Variants in SLC2A12 observed in about 807,000 individuals in gnomAD.
The protein encoded by SLC2A12 is solute carrier family 2, facilitated glucose transporter member 12.
A neutral mutation model predicts 41.8 loss-of-function variants in SLC2A12; 23 were observed. The ratio of observed to expected loss-of-function variants is 0.55; its 90% CI spans 0.40 to 0.78. The LOEUF (loss-of-function observed/expected upper bound fraction) is 0.78. Among genes scored for constraint, SLC2A12 ranks in the 30% least tolerant of loss-of-function variants. The pLI is 0.00. For missense variants in SLC2A12, 654 were observed against 745.6 expected (o/e 0.88, Z 1.43); for synonymous variants, 295 against 285.9 (o/e 1.03, Z -0.32).
At chr6:134,043,585 G>C (rs999249436) in intron 1 of SLC2A12, among the ~76,000 whole-genome samples, 1 of 151,962 alleles carries the variant, frequency 6.6e-6, no homozygotes, top group Non-Finnish European at 1.5e-5. Context: ...ACCAGGGCAA[G>C]AGATCAAGAC....
chr6:134,049,485 C>G lies in SLC2A12; in HGVS notation c.103+2893G>C, dbSNP rs573386337. ...CAGTTCTGCACCATCCTCTGTGTGA[C>G]CGTGGGCCGATCACACATCTTTTGA... On this transcript the variant is annotated intron_variant, in intron 1 of 4. Transcript: ENST00000275230. Among the ~76,000 whole-genome samples the G allele has an allele frequency of 2.6e-5, 4 of 152,292 alleles. No homozygotes were observed. In the South Asian group the frequency reaches 8.3e-4, roughly 32 times the overall value.
At chr6:134,012,211 T>G (rs1776896730) in intron 2 of SLC2A12, among the ~76,000 whole-genome samples, 1 of 152,226 alleles carries the variant, frequency 6.6e-6, no homozygotes, top group Non-Finnish European at 1.5e-5. Flanking sequence ...GAATATTATC[T>G]TGGATTACTT....
intron 1 of SLC2A12, among the ~76,000 whole-genome samples, chr6:134,047,335 C>T (rs1777471988): frequency 1.3e-5 from 2 of 152,074 alleles, no homozygotes; most frequent in South Asian, 4.2e-4. Context: ...AATGGAGGGC[C>T]CTTTAGAGCT....
chr6:134,041,752 C>T (rs1448221868), intron 1 of SLC2A12, among the ~76,000 whole-genome samples: 1 of 152,178 alleles, frequency 6.6e-6, no homozygotes, highest in African/African-American at 2.4e-5. Context: ...AATCCTAACT[C>T]ATTGACAAAT....
In SLC2A12 at chr6:134,029,294, G is replaced by T. The variant is rs186953843; in HGVS notation, c.531C>A (p.Ile177=). 6.2e-7 allele frequency: 1 copy of T among 1,614,026 alleles called. No individual in the cohort carries two copies. The highest frequency in any genetic ancestry group is 8.5e-7 in the Non-Finnish European group (1 of 1,180,044). ...LVSLNELMIV[I]GILSAYISNY... ...TTGAAATATAGGCAGAAAGAATGCC[G>T]ATGACAATCATCAGCTCATTCAGTG... The change falls in exon 2 of 5, where the codon ATC becomes ATA. Residue 177 remains isoleucine (I), a synonymous_variant. Transcript: ENST00000275230.
Position 133,990,289 on chromosome 6 carries a change from C to G in SLC2A12, c.*866G>C, listed in dbSNP as rs1172591676. 1 of 152,610 alleles carries G rather than the reference C, an allele frequency of 6.6e-6. No homozygotes were observed. Among genetic ancestry groups the G allele is most frequent in the African/African-American group, 2.4e-5 (1 of 41,434 alleles). 9.5% of individuals were successfully genotyped at this position (152,610 alleles called of 1,614,324 possible). A position where few individuals can be genotyped will look rare whatever the true frequency, so the allele number is the denominator to read the frequency against. On this transcript the variant is annotated 3_prime_UTR_variant, in exon 5 of 5. Coordinates refer to ENST00000275230, the MANE Select transcript of SLC2A12 (RefSeq NM_145176.3). Reference sequence around the variant, plus strand: ...ACTATACATTGTCATGAAAGCCTTACAAGGAGGCAGCTTTTCTAGGCTTGA... The same window carrying G: ...ACTATACATTGTCATGAAAGCCTTAGAAGGAGGCAGCTTTTCTAGGCTTGA...
At position 134,028,453 on chromosome 6, in the gene SLC2A12, C is replaced by A. The variant is rs1286365261; in HGVS notation, c.1372G>T (p.Ala458Ser). The A allele has an allele frequency of 1.7e-5, 27 of 1,614,074 alleles. No homozygotes were observed. The highest frequency in any genetic ancestry group is 2.3e-5 in the Non-Finnish European group (27 of 1,180,022). The change falls in exon 2 of 5, where the codon GCT becomes TCT. Residue 458 changes from alanine to serine, a missense_variant. Coordinates refer to ENST00000275230, the MANE Select transcript of SLC2A12 (RefSeq NM_145176.3). Reference protein sequence around the residue: ...QIVTDPGDVPAFLKWLSLASL... With the variant: ...QIVTDPGDVPSFLKWLSLASL... ...GCTAAGGACAGCCATTTCAAAAAAG[C>A]TGGGACGTCCCCAGGGTCTGTGACT...
chr6:134,036,616 C>A (rs1434813972), intron 1 of SLC2A12, among the ~76,000 whole-genome samples: 1 of 152,174 alleles, frequency 6.6e-6, no homozygotes, highest in Non-Finnish European at 1.5e-5. Flanking sequence ...AGTAAATACT[C>A]AATGTTTGTC....
chr6:134,025,753 G>T (rs1201189720), intron 2 of SLC2A12, among the ~76,000 whole-genome samples: 14 of 152,036 alleles, frequency 9.2e-5, no homozygotes, highest in Non-Finnish European at 1.6e-4. Flanking sequence ...CACCATGTTG[G>T]CCAGGCTGGT....
chr6:134,001,847 G>T, intron 4 of SLC2A12, 150 bp downstream of exon 4: 2 of 710,046 alleles, frequency 2.8e-6, no homozygotes, highest in Non-Finnish European at 4.0e-6. Context: ...AGGGAAATTG[G>T]AATTATGCAC....
chr6:134,026,025 G>C (rs918310973), intron 2 of SLC2A12, among the ~76,000 whole-genome samples: 1 of 152,202 alleles, frequency 6.6e-6, no homozygotes, highest in Non-Finnish European at 1.5e-5. Flanking sequence ...CCATGAGTAG[G>C]TTGGTTCAGG....
At chr6:134,047,212 T>C (rs1777469881) in intron 1 of SLC2A12, among the ~76,000 whole-genome samples, 1 of 152,200 alleles carries the variant, frequency 6.6e-6, no homozygotes, top group Admixed American at 6.5e-5. Context: ...GGGAGACTGT[T>C]CATGAGAAAA....
intron 2 of SLC2A12, among the ~76,000 whole-genome samples, chr6:134,018,038 T>A (rs1363432336): frequency 6.6e-6 from 1 of 152,072 alleles, no homozygotes; most frequent in Non-Finnish European, 1.5e-5. Context: ...ATCCGGTCTC[T>A]GTGGTCCTGA....
At chr6:134,045,779 A>G (rs2114510541) in intron 1 of SLC2A12, among the ~76,000 whole-genome samples, 1 of 152,372 alleles carries the variant, frequency 6.6e-6, no homozygotes, top group East Asian at 1.9e-4. Context: ...ATCTGAATCT[A>G]GAAGGTAAAA....
At chr6:134,021,274 C>T (rs569935763) in intron 2 of SLC2A12, among the ~76,000 whole-genome samples, 2 of 152,160 alleles carry the variant, frequency 1.3e-5, no homozygotes, top group East Asian at 3.9e-4. Context: ...CCTATGTCTG[C>T]ATCGTATTTT....
chr6:134,038,700 C>CTTTT (rs200794350), intron 1 of SLC2A12, among the ~76,000 whole-genome samples: 2,038 of 82,058 alleles, frequency 0.025, 408 homozygotes, highest in African/African-American at 0.12. Context: ...CCTTTCTTTC[C>CTTTT]TTTTTTTTTT....
chr6:134,041,444 C>T (rs1480561959), intron 1 of SLC2A12, among the ~76,000 whole-genome samples: 1 of 152,020 alleles, frequency 6.6e-6, no homozygotes, highest in Non-Finnish European at 1.5e-5. Flanking sequence ...GATTTTACCT[C>T]TGCCCTTCAG....
chr6:134,027,771 C>T (rs1309136230), intron 2 of SLC2A12, among the ~76,000 whole-genome samples: 8 of 152,150 alleles, frequency 5.3e-5, no homozygotes, highest in Admixed American at 5.2e-4. Flanking sequence ...AAAATAAAAC[C>T]TCATAGCTAT....
rs1776611953 is a variant in SLC2A12 at position 133,990,871 on chromosome 6, T to G, written c.*284A>C. On this transcript the variant is annotated 3_prime_UTR_variant, in exon 5 of 5. Transcript: ENST00000275230. ...GACATAGTCTATTCAAAGGCTGCTC[T>G]GTGAAGAAGGTAGAAAGTATTAAAC... The G allele has an allele frequency of 3.6e-6, 1 of 279,666 alleles. No homozygotes were observed. Among genetic ancestry groups the G allele is most frequent in the Admixed American group, 4.9e-5 (1 of 20,586 alleles). 17.3% of individuals were successfully genotyped at this position (279,666 alleles called of 1,614,324 possible). A position where few individuals can be genotyped will look rare whatever the true frequency, so the allele number is the denominator to read the frequency against.
Sources: gnomAD v4.1 joint callset for allele counts (sites outside exome capture counted in the v4.1 genomes callset) on GRCh38, gnomAD v4.1.1 for gene constraint, MANE v1.5 for transcripts, NCBI Gene and HGNC (gene_info 2026-07-23, HGNC 2026-07-21) for gene names.